GABRG3: variants seen among roughly 807,000 people sequenced by gnomAD.
GABRG3 encodes gamma-aminobutyric acid receptor subunit gamma-3.
Under a neutral mutation model 48.8 loss-of-function variants are expected in GABRG3, and 25 were observed. The observed-to-expected ratio is 0.51, with a 90% CI of 0.37 to 0.72. The LOEUF is 0.72. GABRG3 is among the 30% of genes least tolerant of loss of function. The pLI, the probability that GABRG3 is intolerant of heterozygous loss-of-function variation, is 0.00. For synonymous variants in GABRG3, 227 were observed against 217.6 expected (o/e 1.04, Z -0.38); for missense variants, 394 against 577.9 (o/e 0.68, Z 3.26).
intron 1 of GABRG3, among the ~76,000 whole-genome samples, chr15:26,972,977 G>A (rs1158646839): frequency 6.6e-6 from 1 of 152,194 alleles, no homozygotes; most frequent in African/African-American, 2.4e-5. Context: ...ATGGAAACAT[G>A]CTTTCTGAGG....
intron 5 of GABRG3, among the ~76,000 whole-genome samples, chr15:27,412,376 A>G (rs1887823747): frequency 6.6e-6 from 1 of 152,082 alleles, no homozygotes; most frequent in Non-Finnish European, 1.5e-5. Context: ...GAAATCACTA[A>G]TTTGTTCTCT....
chr15:27,419,769 A>G (rs1420208650), intron 5 of GABRG3, among the ~76,000 whole-genome samples: 1 of 152,140 alleles, frequency 6.6e-6, no homozygotes, highest in African/African-American at 2.4e-5. Context: ...ACACTCAAGT[A>G]ACGGAAGGGT....
At chr15:27,325,404 G>C (rs1281912910) in intron 3 of GABRG3, among the ~76,000 whole-genome samples, 1 of 152,138 alleles carries the variant, frequency 6.6e-6, no homozygotes, top group Non-Finnish European at 1.5e-5. Flanking sequence ...GCCATGAGAG[G>C]CTTCTGGAAA....
intron 5 of GABRG3, among the ~76,000 whole-genome samples, chr15:27,407,341 G>A (rs1887669039): frequency 6.6e-6 from 1 of 152,194 alleles, no homozygotes; most frequent in African/African-American, 2.4e-5. Flanking sequence ...TGGAGCAGCA[G>A]GAACTCTCAT....
chr15:27,069,812 C>T (rs1201319562), intron 3 of GABRG3, among the ~76,000 whole-genome samples: 2 of 152,214 alleles, frequency 1.3e-5, no homozygotes, highest in African/African-American at 4.8e-5. Context: ...TGTTGAAACA[C>T]ATGCAAAAAT....
chr15:27,327,216 A>G (rs1271580548), intron 4 of GABRG3, among the ~76,000 whole-genome samples, 187 bp downstream of exon 4: 1 of 152,254 alleles, frequency 6.6e-6, no homozygotes, highest in African/African-American at 2.4e-5. Context: ...CAGATGATCC[A>G]CAGAGAATAT....
chr15:26,984,665 C>A (rs1466113525), intron 2 of GABRG3, among the ~76,000 whole-genome samples: 2 of 148,118 alleles, frequency 1.4e-5, no homozygotes, highest in Non-Finnish European at 3.0e-5. Flanking sequence ...CTGGGAAAGG[C>A]TGGAGGAGGA....
At chr15:27,130,352 T>G (rs1286922068) in intron 3 of GABRG3, among the ~76,000 whole-genome samples, 2 of 152,166 alleles carry the variant, frequency 1.3e-5, no homozygotes, top group African/African-American at 4.8e-5. Flanking sequence ...AAAAATCATT[T>G]GACAATATTT....
At position 27,033,212 on chromosome 15, in the gene GABRG3, C is replaced by T. The variant is rs369964036; in HGVS notation, c.270+6391C>T. 7.9e-5 allele frequency among the ~76,000 whole-genome samples: 12 copies of T among 151,368 alleles called. No homozygotes were observed. In the South Asian group the frequency reaches 1.3e-3, roughly 16 times the overall value. On this transcript the variant is annotated intron_variant, in intron 3 of 9. Transcript: ENST00000615808. The stretch of plus-strand genomic sequence containing the variant: ...TCTCTCTGTCCAGGTTTTCACATTA[C>T]GTGCCCTGTCAGCAGAAGACAAGTT...
At chr15:27,013,140 T>C (rs1200440776) in intron 2 of GABRG3, among the ~76,000 whole-genome samples, 1 of 152,170 alleles carries the variant, frequency 6.6e-6, no homozygotes, top group African/African-American at 2.4e-5. Context: ...TACTTTAAGA[T>C]ACTTCATATG....
intron 3 of GABRG3, among the ~76,000 whole-genome samples, chr15:27,308,937 TATAATGTAAACATGTTTATATGAAAACAC>T (rs1566775408): frequency 6.9e-6 from 1 of 144,852 alleles, no homozygotes; most frequent in Non-Finnish European, 1.5e-5. Flanking sequence ...TGAAAACACA[TATAATGTAAACATGTTTATATGAAAACAC>T]ATAATGTAAA....
chr15:27,172,411 GA>G (rs955602027), intron 3 of GABRG3, among the ~76,000 whole-genome samples: 1 of 152,006 alleles, frequency 6.6e-6, no homozygotes, highest in Non-Finnish European at 1.5e-5. Context: ...GCTCTACGCT[GA>G]CCCCACCCCC....
intron 6 of GABRG3, among the ~76,000 whole-genome samples, chr15:27,500,719 G>C (rs986604407): frequency 5.3e-5 from 8 of 151,948 alleles, no homozygotes; most frequent in African/African-American, 1.5e-4. Flanking sequence ...TTCCCCTGTT[G>C]TATCAGTTAA....
chr15:27,454,573 C>T lies in GABRG3; in HGVS notation c.575-26077C>T, dbSNP rs560748306. Among the ~76,000 whole-genome samples the T allele has an allele frequency of 3.7e-4, 56 of 152,284 alleles. 1 individual carries two copies. In the South Asian group the frequency reaches 0.011, roughly 30 times the overall value. On this transcript the variant is annotated intron_variant, in intron 5 of 9. Transcript: ENST00000615808. ...ACTCAGTAATGCATCACCATCCTGA[C>T]GCCCAGTGCTGCTGATGTAATGCCA...
chr15:27,374,138 CTTTTTTTTTT>C (rs201839822), intron 5 of GABRG3, among the ~76,000 whole-genome samples: 3 of 91,636 alleles, frequency 3.3e-5, no homozygotes, highest in South Asian at 3.7e-4. Context: ...TTCTTTTCTT[CTTTTTTTTTT>C]TTTTTTTTTT....
intron 3 of GABRG3, among the ~76,000 whole-genome samples, chr15:27,311,720 T>C (rs1303100971): frequency 6.6e-6 from 1 of 152,046 alleles, no homozygotes; most frequent in African/African-American, 2.4e-5. Context: ...TATGTCTTGC[T>C]TGTTCTCAGA....
rs546306230 is a variant in GABRG3 at position 27,351,127 on chromosome 15, G to A, written c.574+22239G>A. 1.7e-4 allele frequency among the ~76,000 whole-genome samples: 25 copies of A among 144,376 alleles called. No individual in the cohort carries two copies. In the East Asian group the frequency reaches 2.4e-3, roughly 14 times the overall value. 94.7% of individuals were successfully genotyped at this position (144,376 alleles called of 152,430 possible). A position where few individuals can be genotyped will look rare whatever the true frequency, so the allele number is the denominator to read the frequency against. ...TGTGTATGGTGTGTGTGTATGGTGC[G>A]TGTGTTTGAGTATGGTGTGTGTGTA... On this transcript the variant is annotated intron_variant, in intron 5 of 9. Coordinates refer to ENST00000615808, the MANE Select transcript of GABRG3 (RefSeq NM_033223.5).
chr15:27,373,306 G>A (rs961189919), intron 5 of GABRG3, among the ~76,000 whole-genome samples: 1 of 152,050 alleles, frequency 6.6e-6, no homozygotes, highest in African/African-American at 2.4e-5. Context: ...TAATAAATAA[G>A]GAACTCAGTA....
At chr15:27,227,301 G>A (rs1889653018) in intron 3 of GABRG3, among the ~76,000 whole-genome samples, 1 of 152,110 alleles carries the variant, frequency 6.6e-6, no homozygotes, top group African/African-American at 2.4e-5. Context: ...GACAAGTCTG[G>A]ACAACATGGC....
Sources: gnomAD v4.1 joint callset for allele counts (sites outside exome capture counted in the v4.1 genomes callset) on GRCh38, gnomAD v4.1.1 for gene constraint, MANE v1.5 for transcripts, NCBI Gene and HGNC (gene_info 2026-07-23, HGNC 2026-07-21) for gene names.